ASAP1: variants seen among roughly 807,000 people sequenced by gnomAD.
The protein encoded by ASAP1 is arf-GAP with SH3 domain, ANK repeat and PH domain-containing protein 1.
In ASAP1, 43 loss-of-function variants were observed where a neutral mutation model predicts 145.2. That is an observed-to-expected ratio of 0.30 (90% CI 0.23 to 0.38). The LOEUF (loss-of-function observed/expected upper bound fraction) is 0.38, where lower values mean the gene tolerates loss of function less well. Among genes scored for constraint, ASAP1 ranks in the 10% least tolerant of loss-of-function variants. ASAP1 has a pLI of 1.00. For synonymous variants in ASAP1, 546 were observed against 515.5 expected (o/e 1.06, Z -0.80); for missense variants, 1,018 against 1,355.3 (o/e 0.75, Z 3.91).
At chr8:130,373,340 G>C (rs1469060086) in intron 2 of ASAP1, among the ~76,000 whole-genome samples, 1 of 152,104 alleles carries the variant, frequency 6.6e-6, no homozygotes, top group East Asian at 1.9e-4. Context: ...AACAAGTTTG[G>C]TGAGCTAGTT....
chr8:130,304,038 G>C (rs958933610), intron 3 of ASAP1, among the ~76,000 whole-genome samples: 1 of 151,900 alleles, frequency 6.6e-6, no homozygotes, highest in Non-Finnish European at 1.5e-5. Context: ...GAAAACCACA[G>C]TGGCAATGGT....
intron 25 of ASAP1, among the ~76,000 whole-genome samples, chr8:130,088,714 G>A (rs6470800): frequency 1.3e-5 from 2 of 152,038 alleles, no homozygotes. Flanking sequence ...CTCAGGAAAC[G>A]AATGCAGGTT....
chr8:130,421,576 T>C (rs887993811), intron 1 of ASAP1, among the ~76,000 whole-genome samples: 4 of 152,186 alleles, frequency 2.6e-5, no homozygotes, highest in African/African-American at 9.6e-5. Context: ...TCCAGGCTCC[T>C]TCCCTCTTCT....
intron 1 of ASAP1, among the ~76,000 whole-genome samples, chr8:130,426,717 C>G (rs765151761): frequency 6.6e-6 from 1 of 152,232 alleles, no homozygotes; most frequent in East Asian, 1.9e-4. Context: ...ACTCCCTCAG[C>G]TCCTTTGGGT....
chr8:130,365,833 T>G (rs1289095162), intron 2 of ASAP1, among the ~76,000 whole-genome samples: 1 of 152,038 alleles, frequency 6.6e-6, no homozygotes, highest in East Asian at 1.9e-4. Flanking sequence ...TGAACAAACA[T>G]TTATAGGGGG....
intron 3 of ASAP1, among the ~76,000 whole-genome samples, chr8:130,261,878 T>C (rs1032065235): frequency 2.0e-5 from 3 of 152,054 alleles, no homozygotes; most frequent in Non-Finnish European, 2.9e-5. Context: ...CTACTGACAG[T>C]TGAACCTCTC....
intron 3 of ASAP1, among the ~76,000 whole-genome samples, chr8:130,320,804 G>C (rs538426421): frequency 7.7e-4 from 117 of 152,198 alleles, no homozygotes; most frequent in African/African-American, 2.8e-3. Context: ...ATGGAAAAGA[G>C]TAAAATTATC....
chr8:130,179,099 C>T (rs929182236), intron 9 of ASAP1, 165 bp downstream of exon 9: 3 of 492,314 alleles, frequency 6.1e-6, no homozygotes, highest in South Asian at 3.3e-5. Flanking sequence ...GTATAAAACA[C>T]TGAAGATGGA....
At position 130,419,485 on chromosome 8, in the gene ASAP1, C is replaced by T. The variant is rs188670190; in HGVS notation, c.-27-17515G>A. Among the ~76,000 whole-genome samples, 15 of 152,216 alleles carry T rather than the reference C, an allele frequency of 9.9e-5. No homozygotes were observed. The East Asian group carries it at 1.5e-3, about 16-fold the overall frequency. ...ATGTGAAGCTAAAAACGGCTGCAGC[C>T]GATCTCACTACCAGTCTTGGGGAGA... is the stretch of plus-strand genomic sequence containing the variant. On this transcript the variant is annotated intron_variant, in intron 1 of 29. Transcript: ENST00000518721.
chr8:130,112,185 G>A lies in ASAP1; in HGVS notation c.2310C>T (p.Phe770=). The A allele has an allele frequency of 3.7e-6, 6 of 1,614,182 alleles. No individual in the cohort carries two copies. Among genetic ancestry groups the A allele is most frequent in the Non-Finnish European group, 4.2e-6 (5 of 1,180,036 alleles). Residue 770 remains phenylalanine, a synonymous_variant, in exon 24 of 30, where the codon TTC becomes TTT. Coordinates refer to ENST00000518721, the MANE Select transcript of ASAP1 (RefSeq NM_018482.4). ...RDKQRLSYGA[F]TNQIFVSTST... ...TTGTGGAAACGAAGATCTGGTTGGT[G>A]AAGGCTCCATAGGAGAGCCGCTGTT...
At chr8:130,283,846 T>A (rs868628902) in intron 3 of ASAP1, among the ~76,000 whole-genome samples, 1 of 152,080 alleles carries the variant, frequency 6.6e-6, no homozygotes, top group Non-Finnish European at 1.5e-5. Flanking sequence ...TGAAAAGCCA[T>A]GATAATGTCC....
At chr8:130,304,660 T>C (rs2137464555) in intron 3 of ASAP1, among the ~76,000 whole-genome samples, 1 of 152,288 alleles carries the variant, frequency 6.6e-6, no homozygotes, top group Admixed American at 6.5e-5. Flanking sequence ...ATGTTTTCAA[T>C]TTTACACAGG....
chr8:130,413,384 C>A (rs1216190114), intron 1 of ASAP1, among the ~76,000 whole-genome samples: 4 of 152,214 alleles, frequency 2.6e-5, no homozygotes, highest in African/African-American at 9.7e-5. Flanking sequence ...GTATTTCCTC[C>A]ATTTTATGAT....
At chr8:130,068,375 G>T (rs1478484605) in intron 27 of ASAP1, among the ~76,000 whole-genome samples, 1 of 152,186 alleles carries the variant, frequency 6.6e-6, no homozygotes. Context: ...GAGACTTGTG[G>T]TTACCAAGAA....
At chr8:130,310,015 C>T (rs1460260825) in intron 3 of ASAP1, among the ~76,000 whole-genome samples, 2 of 151,988 alleles carry the variant, frequency 1.3e-5, no homozygotes, top group Non-Finnish European at 2.9e-5. Flanking sequence ...TCCCAATCGT[C>T]CAGTTTCTAT....
At chr8:130,424,679 A>C (rs1362375114) in intron 1 of ASAP1, among the ~76,000 whole-genome samples, 1 of 152,098 alleles carries the variant, frequency 6.6e-6, no homozygotes, top group Non-Finnish European at 1.5e-5. Flanking sequence ...AGGCCCAGAG[A>C]CAGGTACTGC....
intron 3 of ASAP1, among the ~76,000 whole-genome samples, chr8:130,268,695 G>A (rs1476782786): frequency 6.6e-6 from 1 of 152,130 alleles, no homozygotes; most frequent in Non-Finnish European, 1.5e-5. Flanking sequence ...TAGTGGGATG[G>A]TAGGTGATCT....
chr8:130,291,657 A>T (rs190847858), intron 3 of ASAP1, among the ~76,000 whole-genome samples: 6 of 152,298 alleles, frequency 3.9e-5, no homozygotes, highest in Admixed American at 2.0e-4. Flanking sequence ...AAGGGACATA[A>T]ATGAGTGGAC....
chr8:130,211,882 C>T (rs1816605767), intron 5 of ASAP1, among the ~76,000 whole-genome samples: 2 of 152,294 alleles, frequency 1.3e-5, no homozygotes, highest in African/African-American at 2.4e-5. Context: ...CCTTCACTAG[C>T]CTAAGAGAAC....
Sources: allele counts gnomAD v4.1 joint callset (sites outside exome capture counted in the v4.1 genomes callset), GRCh38; gene constraint gnomAD v4.1.1; transcripts MANE v1.5; gene names NCBI Gene and HGNC (gene_info 2026-07-23, HGNC 2026-07-21).